Variants in TNIP3 observed in about 807,000 individuals in gnomAD.
TNIP3 encodes the protein TNFAIP3 interacting protein 3.
A neutral mutation model predicts 54.1 loss-of-function variants in TNIP3; 34 were observed. The observed-to-expected ratio is 0.63, with a 90% CI of 0.48 to 0.84. The LOEUF (loss-of-function observed/expected upper bound fraction) is 0.84. TNIP3 is among the 40% of genes least tolerant of loss of function. The pLI is 0.00. For synonymous variants in TNIP3, 134 were observed against 136.8 expected (o/e 0.98, Z 0.14); for missense variants, 366 against 387.6 (o/e 0.94, Z 0.47).
intron 2 of TNIP3, among the ~76,000 whole-genome samples, chr4:121,213,251 AG>A (rs1560696659): frequency 6.6e-6 from 1 of 152,154 alleles, no homozygotes; most frequent in Non-Finnish European, 1.5e-5. Context: ...GTTTAATATT[AG>A]GTTGAATGAC....
intron 1 of TNIP3, among the ~76,000 whole-genome samples, chr4:121,163,342 T>C (rs1730571410): frequency 6.6e-6 from 1 of 152,220 alleles, no homozygotes; most frequent in Non-Finnish European, 1.5e-5. Context: ...TTGTATTTAC[T>C]TTGCTTTACA....
intron 2 of TNIP3, among the ~76,000 whole-genome samples, chr4:121,201,758 A>G (rs2148840295): frequency 6.6e-6 from 1 of 152,364 alleles, no homozygotes; most frequent in South Asian, 2.1e-4. Flanking sequence ...TTCAACAGTT[A>G]TATATCAAGA....
chr4:121,162,046 A>G (rs953398699), intron 1 of TNIP3, among the ~76,000 whole-genome samples: 1 of 152,226 alleles, frequency 6.6e-6, no homozygotes, highest in Non-Finnish European at 1.5e-5. Flanking sequence ...AGTAATTCCT[A>G]CATCTGTAAT....
rs142613505 is a variant in TNIP3, at chr4:121,206,183, C to T, written c.68+10232G>A. 3.6e-3 allele frequency among the ~76,000 whole-genome samples: 544 copies of T among 152,120 alleles called. 1 individual carries two copies. The highest frequency in any genetic ancestry group is 0.013 in the African/African-American group (521 of 41,516). ...GCCAAACAATATCAGACAGGGAAGACCAAAAGAAGAGCAAATTTAGACTAG... is the reference window on the plus strand; with the variant it reads ...GCCAAACAATATCAGACAGGGAAGATCAAAAGAAGAGCAAATTTAGACTAG... On this transcript the variant is annotated intron_variant, in intron 2 of 12. Transcript: ENST00000507879.
intron 2 of TNIP3, among the ~76,000 whole-genome samples, chr4:121,193,066 C>A (rs943874629): frequency 6.6e-6 from 1 of 152,104 alleles, no homozygotes; most frequent in Non-Finnish European, 1.5e-5. Flanking sequence ...TACATAATAA[C>A]AACAGATCAT....
intron 5 of TNIP3, chr4:121,154,212 C>T (rs1729938703): frequency 2.7e-5 from 8 of 292,676 alleles, no homozygotes; most frequent in South Asian, 1.7e-4. Flanking sequence ...CCTGAGGAAG[C>T]TTTTGCGGTT....
intron 6 of TNIP3, among the ~76,000 whole-genome samples, chr4:121,148,484 G>A (rs1166751400): frequency 6.6e-6 from 1 of 152,218 alleles, no homozygotes. Context: ...TTCCGAAGAT[G>A]TCAAGTGTTT....
chr4:121,196,124 A>T (rs1166168213), intron 2 of TNIP3, among the ~76,000 whole-genome samples: 2 of 152,208 alleles, frequency 1.3e-5, no homozygotes, highest in African/African-American at 2.4e-5. Flanking sequence ...ACTGAGACTC[A>T]CAGAGATTAA....
At position 121,222,423 on chromosome 4, in the gene TNIP3, C is replaced by G. The variant is rs141306580; in HGVS notation, c.3+4962G>C. ...TCAAAAGATGTGTATTCAAATCTGTCTCTCACGTTTAACAGACTATATGTC... is the reference window on the plus strand; with the variant it reads ...TCAAAAGATGTGTATTCAAATCTGTGTCTCACGTTTAACAGACTATATGTC... On this transcript the variant is annotated intron_variant, in intron 1 of 12. Transcript: ENST00000509841. Among the ~76,000 whole-genome samples, 529 of 152,236 alleles carry G rather than the reference C, an allele frequency of 3.5e-3. 5 individuals carry two copies. The highest frequency in any genetic ancestry group is 0.012 in the African/African-American group (505 of 41,534).
chr4:121,181,800 T>A (rs191113598), intron 3 of TNIP3, among the ~76,000 whole-genome samples: 120 of 152,180 alleles, frequency 7.9e-4, no homozygotes, highest in African/African-American at 2.7e-3. Context: ...AGAAACAAAT[T>A]TATGGATGCA....
In TNIP3 at chr4:121,142,758, C is replaced by G. The variant is rs755958522; in HGVS notation, c.754G>C (p.Glu252Gln). 1.2e-6 allele frequency: 2 copies of G among 1,612,260 alleles called. No individual in the cohort carries two copies. Among genetic ancestry groups the G allele is most frequent in the African/African-American group, 2.7e-5 (2 of 74,850 alleles). Residue 252 changes from glutamate to glutamine, a missense_variant, in exon 8 of 11, where the codon GAG (glutamate) becomes CAG (glutamine). Coordinates refer to ENST00000057513, the MANE Select transcript of TNIP3 (RefSeq NM_024873.6). ...LNSQIKACQM[E>Q]KEKLEKQLKQ... Reference sequence around the variant, plus strand: ...AATTGCTTTTCTAGTTTTTCTTTCTCCATCTGACAAGCTTTTATCTAAAGA... The same window carrying G: ...AATTGCTTTTCTAGTTTTTCTTTCTGCATCTGACAAGCTTTTATCTAAAGA...
At chr4:121,208,477 C>T (rs1379657672) in intron 2 of TNIP3, among the ~76,000 whole-genome samples, 1 of 152,168 alleles carries the variant, frequency 6.6e-6, no homozygotes, top group African/African-American at 2.4e-5. Context: ...TCATCTCCAA[C>T]CTAACCAATC....
At chr4:121,200,989 C>T (rs1725853533) in intron 2 of TNIP3, among the ~76,000 whole-genome samples, 1 of 152,102 alleles carries the variant, frequency 6.6e-6, no homozygotes, top group African/African-American at 2.4e-5. Flanking sequence ...GTAAGATACT[C>T]TGAATATTAG....
chr4:121,202,057 A>C (rs1725922232), intron 2 of TNIP3, among the ~76,000 whole-genome samples: 1 of 152,182 alleles, frequency 6.6e-6, no homozygotes, highest in African/African-American at 2.4e-5. Flanking sequence ...AGAAAAAACA[A>C]TCCTAAAATT....
At chr4:121,225,949 C>T (rs1379763106) in intron 1 of TNIP3, among the ~76,000 whole-genome samples, 2 of 151,934 alleles carry the variant, frequency 1.3e-5, no homozygotes, top group African/African-American at 2.4e-5. Flanking sequence ...AGTCAATTTC[C>T]CATGTTTAAA....
At chr4:121,139,453 A>C (rs6833114) in intron 9 of TNIP3, among the ~76,000 whole-genome samples, 37,529 of 152,106 alleles carry the variant, frequency 0.25, 4,976 homozygotes, top group African/African-American at 0.33. Flanking sequence ...ACCTGCCCAC[A>C]AAGCAGGTCT....
intron 2 of TNIP3, among the ~76,000 whole-genome samples, chr4:121,200,037 G>A (rs962988439): frequency 4.0e-4 from 61 of 152,030 alleles, no homozygotes; most frequent in African/African-American, 1.4e-3. Context: ...AAAAACCACG[G>A]TCAGAGGCAG....
intron 2 of TNIP3, among the ~76,000 whole-genome samples, chr4:121,203,008 A>G (rs1725976115): frequency 6.6e-6 from 1 of 152,156 alleles, no homozygotes; most frequent in Non-Finnish European, 1.5e-5. Context: ...CACTATGGAA[A>G]ACAGTGTGAA....
Position 121,150,236 on chromosome 4 carries a change from G to A in TNIP3, c.493-17C>T, listed in dbSNP as rs1316585503. The A allele has an allele frequency of 6.8e-7, 1 of 1,471,210 alleles. No individual in the cohort carries two copies. Among genetic ancestry groups the A allele is most frequent in the South Asian group, 1.2e-5 (1 of 85,338 alleles). 91.1% of individuals were successfully genotyped at this position (1,471,210 alleles called of 1,614,324 possible). On this transcript the variant is annotated splice_polypyrimidine_tract_variant and intron_variant, in intron 5 of 10. Transcript: ENST00000057513. The stretch of plus-strand genomic sequence containing the variant: ...CTGAAGAGCCTACGTAATAAGATAA[G>A]TACACTGTTGATCTAAGATTTACCA...
Sources: allele counts gnomAD v4.1 joint callset (sites outside exome capture counted in the v4.1 genomes callset), GRCh38; gene constraint gnomAD v4.1.1; transcripts MANE v1.5; gene names NCBI Gene and HGNC (gene_info 2026-07-23, HGNC 2026-07-21).